RAB23: variants seen among roughly 807,000 people sequenced by gnomAD.
RAB23 encodes ras-related protein Rab-23.
In RAB23, 15 loss-of-function variants were observed where a neutral mutation model predicts 30.0. The observed-to-expected ratio is 0.50, with a 90% CI of 0.33 to 0.77. The LOEUF is 0.77. RAB23 is among the 30% of genes least tolerant of loss of function. The pLI is 0.02. For synonymous variants in RAB23, 93 were observed against 94.0 expected (o/e 0.99, Z 0.06); for missense variants, 243 against 275.4 (o/e 0.88, Z 0.83).
At chr6:57,193,762 T>C in intron 6 of RAB23, 80 bp downstream of exon 6, 1 of 1,524,474 alleles carries the variant, frequency 6.6e-7, no homozygotes. Flanking sequence ...TTAAATCACA[T>C]TTCTGAAAGA....
At position 57,187,462 on chromosome 6, in the gene RAB23, T is replaced by G. The variant is rs1764645656; in HGVS notation, c.*2999A>C. ...ACATTCTTAACAGTTAAAAACTGAG[T>G]AAGTCCTGTTCATTAGGTAGGTGCC... On this transcript the variant is annotated 3_prime_UTR_variant, in exon 7 of 7. Transcript: ENST00000468148. 6.6e-6 allele frequency: 1 copy of G among 152,182 alleles called. No homozygotes were observed. The highest frequency in any genetic ancestry group is 1.5e-5 in the Non-Finnish European group (1 of 68,024). The allele number at this position is 152,182 out of a possible 1,614,324, so 9.4% of individuals were successfully genotyped here. A position where few individuals can be genotyped will look rare whatever the true frequency, so the allele number is the denominator to read the frequency against.
intron 1 of RAB23, among the ~76,000 whole-genome samples, chr6:57,210,848 C>A (rs953521429): frequency 6.6e-5 from 10 of 152,192 alleles, no homozygotes; most frequent in Non-Finnish European, 8.8e-5. Context: ...CAATGATACA[C>A]ATAAAGCACT....
intron 3 of RAB23, among the ~76,000 whole-genome samples, chr6:57,198,855 A>G (rs1170623006): frequency 6.6e-6 from 1 of 152,198 alleles, no homozygotes; most frequent in East Asian, 1.9e-4. Context: ...ATGATGGAAA[A>G]AAAACCCCAA....
chr6:57,188,551 G>GTA lies in RAB23; in HGVS notation c.*1908_*1909dup, dbSNP rs1562646469. ...AAGACAAAAGACTATTTGTTGCAAA[G>GTA]TATTATTTTGTGCAAAAATTAAAGA... On this transcript the variant is annotated 3_prime_UTR_variant, in exon 7 of 7. Transcript: ENST00000468148. The GTA allele has an allele frequency of 2.0e-5, 3 of 152,200 alleles. No individual in the cohort carries two copies. In the South Asian group the frequency reaches 6.2e-4, roughly 31 times the overall value. 9.4% of individuals were successfully genotyped at this position (152,200 alleles called of 1,614,324 possible). A position where few individuals can be genotyped will look rare whatever the true frequency, so the allele number is the denominator to read the frequency against.
intron 6 of RAB23, 117 bp from the exon 7 acceptor site, chr6:57,190,717 T>C: frequency 7.2e-7 from 1 of 1,382,674 alleles, no homozygotes; most frequent in Non-Finnish European, 1.0e-6. Context: ...TCTAAAATTG[T>C]AGTAAAATCC....
intron 4 of RAB23, among the ~76,000 whole-genome samples, chr6:57,195,843 GT>G (rs1258567025): frequency 1.3e-5 from 2 of 152,120 alleles, no homozygotes; most frequent in East Asian, 3.8e-4. Context: ...TATAATAGAT[GT>G]TTGTTGTTTT....
rs45542438 is a variant in RAB23 at position 57,196,617 on chromosome 6, A to ACAAT, written c.242-15_242-12dup. ...CACAAGCCTGGGCTCCTGTAAGTTC[A>ACAAT]CAATCAATCAATCAATCAATCAAGG... On this transcript the variant is annotated splice_polypyrimidine_tract_variant and intron_variant, in intron 3 of 6. Transcript: ENST00000468148. 8,353 of 1,612,268 alleles carry ACAAT rather than the reference A, an allele frequency of 5.2e-3. 20 individuals carry two copies. The highest frequency in any genetic ancestry group is 6.1e-3 in the Non-Finnish European group (7,142 of 1,179,014).
intron 3 of RAB23, among the ~76,000 whole-genome samples, chr6:57,199,731 G>C (rs1765172453): frequency 6.6e-6 from 1 of 152,250 alleles, no homozygotes; most frequent in South Asian, 2.1e-4. Context: ...CTGATACCAA[G>C]CCTTTATATC....
At position 57,189,612 on chromosome 6, in the gene RAB23, G is replaced by A. The variant is rs1764753865; in HGVS notation, c.*849C>T. On this transcript the variant is annotated 3_prime_UTR_variant, in exon 7 of 7. Coordinates refer to ENST00000468148, the MANE Select transcript of RAB23 (RefSeq NM_016277.5). ...CTGCAATAAGGCTCACCTGGGAGAT[G>A]CTCTAGCATTCAAATTCCTATACTC... 1 of 152,572 alleles carries A rather than the reference G, an allele frequency of 6.6e-6. No homozygotes were observed. The highest frequency in any genetic ancestry group is 1.9e-4 in the East Asian group (1 of 5,194). The allele number at this position is 152,572 out of a possible 1,614,324, so 9.5% of individuals were successfully genotyped here. A position where few individuals can be genotyped will look rare whatever the true frequency, so the allele number is the denominator to read the frequency against.
At chr6:57,198,162 T>G (rs1245114525) in intron 3 of RAB23, among the ~76,000 whole-genome samples, 2 of 152,146 alleles carry the variant, frequency 1.3e-5, no homozygotes, top group Admixed American at 6.5e-5. Flanking sequence ...CTTCTCAGAA[T>G]TTAAGGGAAA....
intron 1 of RAB23, among the ~76,000 whole-genome samples, 162 bp downstream of exon 1, chr6:57,221,564 A>T (rs1333523109): frequency 1.3e-5 from 2 of 152,204 alleles, no homozygotes; most frequent in Non-Finnish European, 2.9e-5. Context: ...ACCTAACCTG[A>T]GCACTTCACG....
rs755805215 is a variant in RAB23, at chr6:57,194,819, C to A, written c.432G>T (p.Lys144Asn). The change falls in exon 5 of 7, where the codon AAG (lysine) becomes AAT (asparagine). Residue 144 changes from lysine (K) to asparagine (N), a missense_variant. Lys to Asn is a moderately conservative substitution (Grantham distance 94, BLOSUM62 0). Transcript: ENST00000468148. ...EEAEALAKRLKLRFYRTSVKE... is the reference protein window; with the variant it reads ...EEAEALAKRLNLRFYRTSVKE... ...TCACTGATGTTCTGTAGAATCTTAA[C>A]TTTAACCTTTTTGCCAGTGCCTCAG... 5 of 1,613,378 alleles carry A rather than the reference C, an allele frequency of 3.1e-6. No homozygotes were observed. The South Asian group carries it at 5.5e-5, about 18-fold the overall frequency.
rs763294746 is a variant in RAB23, at chr6:57,222,245, G to A, written c.-585C>T. 11 of 152,632 alleles carry A rather than the reference G, an allele frequency of 7.2e-5. No homozygotes were observed. The highest frequency in any genetic ancestry group is 1.3e-4 in the Admixed American group (2 of 15,292). 9.5% of individuals were successfully genotyped at this position (152,632 alleles called of 1,614,324 possible). On this transcript the variant is annotated 5_prime_UTR_variant, in exon 1 of 7. Transcript: ENST00000468148. The stretch of plus-strand genomic sequence containing the variant: ...GAGTGGCTCAGCAGCAGCTCCGCCG[G>A]GGGTGGTGGGGCGCGGGAGTCTCGA...
chr6:57,191,489 C>T (rs750024993), intron 6 of RAB23, among the ~76,000 whole-genome samples: 1 of 152,140 alleles, frequency 6.6e-6, no homozygotes, highest in Non-Finnish European at 1.5e-5. Flanking sequence ...CTCGCTCTGT[C>T]GCCAGGCTGG....
In RAB23 at chr6:57,190,554, A is replaced by G. The variant is rs768487982; in HGVS notation, c.621T>C (p.Gly207=). The change falls in exon 7 of 7, where the codon GGT becomes GGC. Residue 207 remains glycine (G), a synonymous_variant. Coordinates refer to ENST00000468148, the MANE Select transcript of RAB23 (RefSeq NM_016277.5). ...TGATGACATCTCCACCATTGAGGGT[A>G]CCTGAATTCTGACCGGAGTGACTTC... is the stretch of plus-strand genomic sequence containing the variant. The part of the protein sequence containing the change: ...SGGSHSGQNS[G]TLNGGDVINL... 1 of 1,613,762 alleles carries G rather than the reference A, an allele frequency of 6.2e-7. No individual in the cohort carries two copies. Among genetic ancestry groups the G allele is most frequent in the Non-Finnish European group, 8.5e-7 (1 of 1,179,654 alleles).
rs1562644901 is a variant in RAB23 at position 57,187,046 on chromosome 6, A to G, written c.*3415T>C. ...ATTATTGGAATTCATCCTTCATGAAATTTTTAGAGTAGTGTTTTAAATTAA... is the reference window on the plus strand; with the variant it reads ...ATTATTGGAATTCATCCTTCATGAAGTTTTTAGAGTAGTGTTTTAAATTAA... On this transcript the variant is annotated 3_prime_UTR_variant, in exon 7 of 7. Coordinates refer to ENST00000468148, the MANE Select transcript of RAB23 (RefSeq NM_016277.5). 1 of 152,208 alleles carries G rather than the reference A, an allele frequency of 6.6e-6. No individual in the cohort carries two copies. Among genetic ancestry groups the G allele is most frequent in the African/African-American group, 2.4e-5 (1 of 41,454 alleles). The allele number at this position is 152,208 out of a possible 1,614,324, so 9.4% of individuals were successfully genotyped here. A position where few individuals can be genotyped will look rare whatever the true frequency, so the allele number is the denominator to read the frequency against.
At chr6:57,205,562 C>T (rs1765429053) in intron 3 of RAB23, among the ~76,000 whole-genome samples, 1 of 152,110 alleles carries the variant, frequency 6.6e-6, no homozygotes, top group Non-Finnish European at 1.5e-5. Flanking sequence ...AATAAACATA[C>T]TGAATTAGCT....
At chr6:57,212,437 G>C (rs999314964) in intron 1 of RAB23, among the ~76,000 whole-genome samples, 3 of 152,062 alleles carry the variant, frequency 2.0e-5, no homozygotes, top group Admixed American at 1.3e-4. Context: ...TAAATCTCTT[G>C]CACTTTTAGT....
At chr6:57,208,029 G>A (rs982105151) in intron 2 of RAB23, among the ~76,000 whole-genome samples, 1 of 152,182 alleles carries the variant, frequency 6.6e-6, no homozygotes, top group African/African-American at 2.4e-5. Flanking sequence ...CCATGCTAAA[G>A]TTGAAAAACT....
Sources: gnomAD v4.1 joint callset for allele counts (sites outside exome capture counted in the v4.1 genomes callset) on GRCh38, gnomAD v4.1.1 for gene constraint, MANE v1.5 for transcripts, NCBI Gene and HGNC (gene_info 2026-07-23, HGNC 2026-07-21) for gene names.